Variants in ATXN1 observed in about 807,000 individuals in gnomAD.
The protein encoded by ATXN1 is ataxin 1, also known as ataxin-1.
A neutral mutation model predicts 56.4 loss-of-function variants in ATXN1; 8 were observed. The ratio of observed to expected loss-of-function variants is 0.14; its 90% CI spans 0.08 to 0.26. The LOEUF is 0.26. ATXN1 is among the 10% of genes least tolerant of loss of function. ATXN1 has a pLI of 1.00. For missense variants in ATXN1, 987 were observed against 1,106.5 expected (o/e 0.89, Z 1.53); for synonymous variants, 514 against 494.6 (o/e 1.04, Z -0.52).
chr6:16,611,728 T>C (rs769191867), intron 3 of ATXN1, among the ~76,000 whole-genome samples: 1 of 152,050 alleles, frequency 6.6e-6, no homozygotes, highest in Non-Finnish European at 1.5e-5. Context: ...GTCAAAATTG[T>C]ATGTGTCAAG....
intron 2 of ATXN1, among the ~76,000 whole-genome samples, chr6:16,669,284 C>T (rs1317614584): frequency 2.0e-5 from 3 of 152,176 alleles, no homozygotes; most frequent in Non-Finnish European, 4.4e-5. Context: ...TGGTGCATTT[C>T]CATTTGTAAG....
chr6:16,675,058 G>A (rs964671409), intron 2 of ATXN1, among the ~76,000 whole-genome samples: 3 of 152,170 alleles, frequency 2.0e-5, no homozygotes, highest in African/African-American at 7.2e-5. Context: ...GAAATTCAGA[G>A]GCACACAACT....
intron 4 of ATXN1, among the ~76,000 whole-genome samples, chr6:16,562,451 A>AAAAGGAAAGGAAAGG (rs1163313957): frequency 2.2e-5 from 2 of 90,568 alleles, no homozygotes; most frequent in Admixed American, 1.1e-4. Context: ...GAAAAGAAAG[A>AAAAGGAAAGGAAAGG]AAAGGAGAGG....
At chr6:16,435,428 C>T (rs1759369594) in intron 6 of ATXN1, among the ~76,000 whole-genome samples, 1 of 151,922 alleles carries the variant, frequency 6.6e-6, no homozygotes, top group Non-Finnish European at 1.5e-5. Context: ...GCGTAGAAAG[C>T]AGGTAGAAAG....
At chr6:16,664,341 T>C (rs1478407329) in intron 2 of ATXN1, among the ~76,000 whole-genome samples, 2 of 152,244 alleles carry the variant, frequency 1.3e-5, no homozygotes, top group East Asian at 3.8e-4. Context: ...GGCCTCTCTC[T>C]AAATAAAGTA....
In ATXN1 at chr6:16,411,141, AAAAAG is replaced by A. The variant is rs970833891; in HGVS notation, c.-161+74826_-161+74830del. ...CCTCTGTGTCAAAAAAAAAAAAAAA[AAAAAG>A]AAAAGAAAAGAAAAGAAAAAGATGT... On this transcript the variant is annotated intron_variant, in intron 6 of 7. Coordinates refer to ENST00000436367, the MANE Select transcript of ATXN1 (RefSeq NM_001128164.2). Among the ~76,000 whole-genome samples, 14 of 150,704 alleles carry A rather than the reference AAAAAG, an allele frequency of 9.3e-5. No individual in the cohort carries two copies. The East Asian group carries it at 2.1e-3, about 23-fold the overall frequency.
chr6:16,732,971 T>C (rs1329533349), intron 2 of ATXN1, among the ~76,000 whole-genome samples: 1 of 152,210 alleles, frequency 6.6e-6, no homozygotes, highest in African/African-American at 2.4e-5. Flanking sequence ...TGAGTGCAAT[T>C]TGCAACCAAA....
chr6:16,703,696 A>C (rs1759341286), intron 2 of ATXN1, among the ~76,000 whole-genome samples: 1 of 152,210 alleles, frequency 6.6e-6, no homozygotes, highest in African/African-American at 2.4e-5. Flanking sequence ...TGGTGAATGT[A>C]CTTAATGCCA....
chr6:16,329,761 GAC>G (rs1317805077), intron 6 of ATXN1, among the ~76,000 whole-genome samples: 2 of 152,270 alleles, frequency 1.3e-5, no homozygotes, highest in Admixed American at 1.3e-4. Flanking sequence ...TTCAAACCTG[GAC>G]ATACAAATGG....
At chr6:16,613,022 T>A (rs1279096158) in intron 3 of ATXN1, among the ~76,000 whole-genome samples, 1 of 151,714 alleles carries the variant, frequency 6.6e-6, no homozygotes, top group East Asian at 1.9e-4. Context: ...TCCCAGCACT[T>A]TGGGAGGCCG....
At chr6:16,456,259 G>C (rs1561902925) in intron 6 of ATXN1, among the ~76,000 whole-genome samples, 2 of 152,158 alleles carry the variant, frequency 1.3e-5, no homozygotes. Context: ...CATCTTGGGG[G>C]ATCCTCCCAG....
rs1180706195 is a variant in ATXN1 at position 16,424,403 on chromosome 6, T to C, written c.-161+61569A>G. On this transcript the variant is annotated intron_variant, in intron 6 of 7. Transcript: ENST00000436367. ...GAGAGGTTTCCTATGGGGAAGTCTG[T>C]TGGGAGCCTGATTTTACCCCTCTCT... Among the ~76,000 whole-genome samples, 3 of 152,192 alleles carry C rather than the reference T, an allele frequency of 2.0e-5. No individual in the cohort carries two copies. The East Asian group carries it at 5.8e-4, about 29-fold the overall frequency.
At chr6:16,429,792 A>T (rs1376544184) in intron 6 of ATXN1, among the ~76,000 whole-genome samples, 2 of 152,188 alleles carry the variant, frequency 1.3e-5, no homozygotes, top group Non-Finnish European at 2.9e-5. Flanking sequence ...TAAAAACCGC[A>T]GCAGGTATTA....
intron 6 of ATXN1, among the ~76,000 whole-genome samples, chr6:16,466,628 T>C (rs1760113215): frequency 6.6e-6 from 1 of 152,198 alleles, no homozygotes; most frequent in African/African-American, 2.4e-5. Flanking sequence ...TTTTGCAATG[T>C]GAGAGAAGAA....
intron 6 of ATXN1, among the ~76,000 whole-genome samples, chr6:16,384,260 G>A (rs1438821219): frequency 6.6e-6 from 1 of 152,096 alleles, no homozygotes; most frequent in East Asian, 1.9e-4. Flanking sequence ...AAAGGTAATC[G>A]TGATTAAACA....
At chr6:16,606,591 C>T (rs1343238094) in intron 3 of ATXN1, among the ~76,000 whole-genome samples, 3 of 151,410 alleles carry the variant, frequency 2.0e-5, no homozygotes, top group African/African-American at 7.3e-5. Flanking sequence ...TCCGGTGGTG[C>T]GATCTCGGCT....
intron 3 of ATXN1, among the ~76,000 whole-genome samples, chr6:16,609,841 CT>C (rs1347892737): frequency 2.0e-5 from 3 of 152,016 alleles, no homozygotes; most frequent in Admixed American, 2.0e-4. Context: ...TGATTTGCAC[CT>C]TTGAAGAAGG....
chr6:16,611,670 A>C (rs1298612511), intron 3 of ATXN1, among the ~76,000 whole-genome samples: 1 of 152,132 alleles, frequency 6.6e-6, no homozygotes, highest in Non-Finnish European at 1.5e-5. Context: ...TAAAGCATTC[A>C]ACAGGGGTGA....
chr6:16,550,153 T>TAAAAAAAAAAAAAAAAAAAAAAA (rs1194433906), intron 4 of ATXN1, among the ~76,000 whole-genome samples: 2 of 34,196 alleles, frequency 5.8e-5, no homozygotes, highest in African/African-American at 1.8e-4. Context: ...ATAAATAAAA[T>TAAAAAAAAAAAAAAAAAAAAAAA]ACAAAAAAAA....
Sources: gnomAD v4.1 joint callset for allele counts (sites outside exome capture counted in the v4.1 genomes callset) on GRCh38, gnomAD v4.1.1 for gene constraint, MANE v1.5 for transcripts, NCBI Gene and HGNC (gene_info 2026-07-23, HGNC 2026-07-21) for gene names.